Variants in ASTN1 observed in about 807,000 individuals in gnomAD.
ASTN1 encodes the protein astrotactin 1, also known as astrotactin-1.
Under a neutral mutation model 140.7 loss-of-function variants are expected in ASTN1, and 41 were observed. That is an observed-to-expected ratio of 0.29 (90% confidence interval 0.23 to 0.38). The LOEUF (loss-of-function observed/expected upper bound fraction) is 0.38. Among genes scored for constraint, ASTN1 ranks in the 10% least tolerant of loss-of-function variants. ASTN1 has a pLI of 1.00. For synonymous variants in ASTN1, 640 were observed against 652.2 expected (o/e 0.98, Z 0.29); for missense variants, 1,479 against 1,678.8 (o/e 0.88, Z 2.08).
At chr1:177,104,522 T>C (rs1018258199) in intron 1 of ASTN1, among the ~76,000 whole-genome samples, 6 of 152,166 alleles carry the variant, frequency 3.9e-5, no homozygotes, top group African/African-American at 9.7e-5. Flanking sequence ...AAAGAGGAGA[T>C]AGAGTAGTGT....
chr1:176,897,477 T>C (rs944074823), intron 16 of ASTN1, among the ~76,000 whole-genome samples: 7 of 152,114 alleles, frequency 4.6e-5, no homozygotes, highest in African/African-American at 1.7e-4. Context: ...GCAGCCCTCC[T>C]TGTTGAGAAT....
At chr1:176,878,531 T>C (rs1668658266) in intron 20 of ASTN1, among the ~76,000 whole-genome samples, 1 of 151,960 alleles carries the variant, frequency 6.6e-6, no homozygotes, top group Non-Finnish European at 1.5e-5. Context: ...TGGCCCCACA[T>C]GCCATATGCT....
At chr1:176,915,065 G>A (rs545434772) in intron 16 of ASTN1, among the ~76,000 whole-genome samples, 76 of 152,174 alleles carry the variant, frequency 5.0e-4, no homozygotes, top group African/African-American at 1.7e-3. Context: ...CCTGTCAACC[G>A]TTGAAAACCA....
chr1:176,908,296 C>A (rs1375721739), intron 16 of ASTN1, among the ~76,000 whole-genome samples: 1 of 152,186 alleles, frequency 6.6e-6, no homozygotes, highest in East Asian at 1.9e-4. Flanking sequence ...AGCAGAGGCT[C>A]ACACACCCAC....
intron 16 of ASTN1, among the ~76,000 whole-genome samples, chr1:176,931,568 A>G (rs1220223428): frequency 6.6e-6 from 1 of 152,230 alleles, no homozygotes; most frequent in Non-Finnish European, 1.5e-5. Context: ...CAAACCACAT[A>G]GTGTTAGCAT....
chr1:177,011,131 C>A (rs1258595842), intron 8 of ASTN1, among the ~76,000 whole-genome samples: 3 of 152,166 alleles, frequency 2.0e-5, no homozygotes, highest in Non-Finnish European at 4.4e-5. Flanking sequence ...TTTTATTTAC[C>A]ATTCCTGAAA....
intron 16 of ASTN1, among the ~76,000 whole-genome samples, chr1:176,895,686 C>G (rs371499554): frequency 2.0e-5 from 3 of 152,160 alleles, no homozygotes; most frequent in African/African-American, 7.2e-5. Context: ...CTTTTGGTGA[C>G]AAACATAGGA....
rs571175721 is a variant in ASTN1 at position 176,894,979 on chromosome 1, T to C, written c.2672-149A>G. ...AATGTGATTCTGCCATCCCACTTAA[T>C]TTGGGGCACCCAACCTCCCAGCGAC... On this transcript the variant is annotated intron_variant, in intron 16 of 22. Coordinates refer to ENST00000361833, the MANE Select transcript of ASTN1 (RefSeq NM_004319.3). 150 of 1,136,612 alleles carry C rather than the reference T, an allele frequency of 1.3e-4. No homozygotes were observed. In the African/African-American group the frequency reaches 2.1e-3, roughly 16 times the overall value. The allele number at this position is 1,136,612 out of a possible 1,614,324, so 70.4% of individuals were successfully genotyped here.
intron 9 of ASTN1, among the ~76,000 whole-genome samples, chr1:176,961,399 T>G (rs1468497545): frequency 6.6e-6 from 1 of 152,140 alleles, no homozygotes; most frequent in Non-Finnish European, 1.5e-5. Context: ...TGAAACCCTG[T>G]AGGGGAAGCA....
intron 16 of ASTN1, among the ~76,000 whole-genome samples, chr1:176,918,548 CTT>C (rs989822017): frequency 1.3e-5 from 2 of 152,128 alleles, no homozygotes; most frequent in Admixed American, 1.3e-4. Flanking sequence ...TCTAGGAACT[CTT>C]TGGTTCCTCT....
chr1:176,961,487 C>A (rs1160333735), intron 9 of ASTN1, among the ~76,000 whole-genome samples: 1 of 152,132 alleles, frequency 6.6e-6, no homozygotes, highest in African/African-American at 2.4e-5. Context: ...CCTCATTTAT[C>A]CTTACAACAG....
chr1:177,002,304 G>A (rs191938533), intron 8 of ASTN1, among the ~76,000 whole-genome samples: 53 of 152,034 alleles, frequency 3.5e-4, no homozygotes, highest in Admixed American at 1.4e-3. Flanking sequence ...GCATCAGACC[G>A]TTCTGTTCAC....
intron 1 of ASTN1, among the ~76,000 whole-genome samples, chr1:177,144,545 C>T (rs1259262830): frequency 6.7e-6 from 1 of 149,614 alleles, no homozygotes; most frequent in African/African-American, 2.5e-5. Context: ...AGCCACCGCG[C>T]CCAGCTGTGG....
intron 7 of ASTN1, among the ~76,000 whole-genome samples, chr1:177,017,497 G>T (rs1301047706): frequency 6.6e-6 from 1 of 152,226 alleles, no homozygotes; most frequent in Non-Finnish European, 1.5e-5. Flanking sequence ...GGGGTTTCGT[G>T]AAAGCACAGG....
In ASTN1 at chr1:176,864,048, T is replaced by C; in HGVS notation, c.*236A>G. The C allele has an allele frequency of 7.5e-7, 1 of 1,338,668 alleles. No individual in the cohort carries two copies. The highest frequency in any genetic ancestry group is 1.5e-5 in the African/African-American group (1 of 68,158). 82.9% of individuals were successfully genotyped at this position (1,338,668 alleles called of 1,614,324 possible). A position where few individuals can be genotyped will look rare whatever the true frequency, so the allele number is the denominator to read the frequency against. The stretch of plus-strand genomic sequence containing the variant: ...CAAAGCAAACCCCAAAGTAATCCTC[T>C]AAAGAAATATGGCACTGCATGAAGC... On this transcript the variant is annotated 3_prime_UTR_variant, in exon 23 of 23. Transcript: ENST00000361833.
intron 8 of ASTN1, among the ~76,000 whole-genome samples, chr1:177,013,860 TA>T (rs1487537657): frequency 1.3e-5 from 2 of 152,084 alleles, no homozygotes; most frequent in African/African-American, 4.8e-5. Context: ...TCTCAACATC[TA>T]AAGGAAACTA....
intron 13 of ASTN1, 63 bp from the exon 14 acceptor site, chr1:176,944,081 T>A (rs977050451): frequency 1.3e-4 from 92 of 705,212 alleles, no homozygotes; most frequent in African/African-American, 2.8e-4. Context: ...TACTGAGCAT[T>A]TTTTTTTTTT....
intron 15 of ASTN1, among the ~76,000 whole-genome samples, 153 bp from the exon 16 acceptor site, chr1:176,934,493 A>C (rs1671347483): frequency 6.6e-6 from 1 of 152,192 alleles, no homozygotes; most frequent in African/African-American, 2.4e-5. Flanking sequence ...GTTTCCATTT[A>C]GCTAAATGAG....
intron 12 of ASTN1, 55 bp downstream of exon 12, chr1:176,949,130 T>G: frequency 1.2e-6 from 2 of 1,601,260 alleles, no homozygotes; most frequent in Non-Finnish European, 8.5e-7. Flanking sequence ...GCATTGAAAG[T>G]CCTGCGTCCT....
Sources: gnomAD v4.1 joint callset for allele counts (sites outside exome capture counted in the v4.1 genomes callset) on GRCh38, gnomAD v4.1.1 for gene constraint, MANE v1.5 for transcripts, NCBI Gene and HGNC (gene_info 2026-07-23, HGNC 2026-07-21) for gene names.